The following BAZ2B variants were observed in gnomAD, a reference collection of about 807,000 sequenced individuals.
BAZ2B encodes bromodomain adjacent to zinc finger domain protein 2B.
A neutral mutation model predicts 246.0 loss-of-function variants in BAZ2B; 91 were observed. The observed-to-expected ratio is 0.37, with a 90% CI of 0.31 to 0.44. BAZ2B has a LOEUF of 0.44. Among genes scored for constraint, BAZ2B ranks in the 20% least tolerant of loss-of-function variants. The pLI, the probability that BAZ2B is intolerant of heterozygous loss-of-function variation, is 1.00. For missense variants in BAZ2B, 2,332 were observed against 2,533.7 expected, an observed-to-expected ratio of 0.92 and a Z score of 1.71; for synonymous variants, 855 against 860.0, an observed-to-expected ratio of 0.99 and a Z score of 0.10.
At position 159,427,946 on chromosome 2, in the gene BAZ2B, G is replaced by T; in HGVS notation, c.2461C>A (p.Pro821Thr). The T allele has an allele frequency of 6.2e-7, 1 of 1,612,746 alleles. No homozygotes were observed. The highest frequency in any genetic ancestry group is 8.5e-7 in the Non-Finnish European group (1 of 1,178,984). The stretch of plus-strand genomic sequence containing the variant: ...ACTTTTTAAAAAGTGGATACCTGCG[G>T]TCCATCTCTGGCTTCATAGAAGTCA... ...VGDFYEARDG[P>T]QGMQWCLLKE... is the part of the protein sequence containing the mutation. Residue 821 changes from proline to threonine, a missense_variant, in exon 13 of 37, where the codon CCG becomes ACG. Around this residue, in one of 9 missense-constraint regions of BAZ2B, gnomAD observed 651 missense variants for 650.9 expected, o/e 1.00. Transcript: ENST00000392783.
At chr2:159,660,014 G>C in the BAZ2B span, among the ~76,000 whole-genome samples, 2 of 152,088 alleles carry the variant, frequency 1.3e-5, no homozygotes, top group Non-Finnish European at 2.9e-5. Flanking sequence ...GTGGAATTAA[G>C]CACATTCATA....
chr2:159,419,165 C>T lies in BAZ2B; in HGVS notation c.2467-6620G>A, dbSNP rs563432663. Among the ~76,000 whole-genome samples the T allele has an allele frequency of 2.0e-5, 3 of 152,180 alleles. No homozygotes were observed. In the East Asian group the frequency reaches 5.8e-4, roughly 29 times the overall value. On this transcript the variant is annotated intron_variant, in intron 13 of 36. Transcript: ENST00000392783. ...TTTATATGAAACTTTTAGAATGTCA[C>T]ACCTAAAAGCAAATTGATCTTAAAG... is the stretch of plus-strand genomic sequence containing the variant.
At chr2:159,387,105 T>C (rs1173033359) in intron 21 of BAZ2B, among the ~76,000 whole-genome samples, 1 of 152,162 alleles carries the variant, frequency 6.6e-6, no homozygotes, top group African/African-American at 2.4e-5. Flanking sequence ...CTGTGGGCTC[T>C]ATGGTTGGAG....
chr2:159,348,811 T>C lies in BAZ2B; in HGVS notation c.5160A>G (p.Arg1720=), dbSNP rs771135911. The change falls in exon 30 of 37, where the codon AGA becomes AGG. Residue 1720 remains arginine (R), a synonymous_variant. Transcript: ENST00000392783. ...IPEEMQFGWW[R]IIDPEDLKAL... ...CTTTTAGGTCCTCTGGGTCAATAAT[T>C]CTCCACCAACCAAACTGCATTTCTA... 1.9e-6 allele frequency: 3 copies of C among 1,603,052 alleles called. No homozygotes were observed. Among genetic ancestry groups the C allele is most frequent in the Non-Finnish European group, 2.5e-6 (3 of 1,177,440 alleles).
intron 2 of BAZ2B, among the ~76,000 whole-genome samples, chr2:159,529,855 A>G (rs912927122): frequency 2.6e-5 from 4 of 152,200 alleles, no homozygotes; most frequent in African/African-American, 9.6e-5. Context: ...ATTAAAGTAG[A>G]TAATAGGTAA....
intron 27 of BAZ2B, among the ~76,000 whole-genome samples, chr2:159,367,259 G>A (rs1274866274): frequency 6.6e-6 from 1 of 152,108 alleles, no homozygotes; most frequent in African/African-American, 2.4e-5. Flanking sequence ...GTCTCTAACT[G>A]GACAAGGCAC....
chr2:159,549,606 A>G (rs140765701), intron 2 of BAZ2B, among the ~76,000 whole-genome samples: 26 of 152,248 alleles, frequency 1.7e-4, no homozygotes, highest in African/African-American at 6.0e-4. Context: ...TGAGCTAAAA[A>G]ACAAAAATCA....
the BAZ2B span, among the ~76,000 whole-genome samples, chr2:159,680,552 G>C: frequency 6.6e-6 from 1 of 152,142 alleles, no homozygotes; most frequent in Non-Finnish European, 1.5e-5. Flanking sequence ...GAATGGGGCT[G>C]TTACCCCGGG....
chr2:159,682,565 A>T, the BAZ2B span, among the ~76,000 whole-genome samples: 1 of 152,146 alleles, frequency 6.6e-6, no homozygotes, highest in Non-Finnish European at 1.5e-5. Context: ...TGGAGTGCAG[A>T]ATGGAGAATG....
intron 31 of BAZ2B, among the ~76,000 whole-genome samples, chr2:159,346,534 A>C (rs2067845548): frequency 6.6e-6 from 1 of 152,048 alleles, no homozygotes; most frequent in Non-Finnish European, 1.5e-5. Flanking sequence ...GCAAAACCCC[A>C]TCTCTACTAA....
chr2:159,348,947 T>C, intron 29 of BAZ2B, 60 bp downstream of exon 29: 1 of 1,580,754 alleles, frequency 6.3e-7, no homozygotes, highest in Non-Finnish European at 8.6e-7. Context: ...TCAGTTATAA[T>C]ACAGGAATCC....
chr2:159,418,962 G>T (rs1052839445), intron 13 of BAZ2B, among the ~76,000 whole-genome samples: 6 of 152,140 alleles, frequency 3.9e-5, no homozygotes, highest in African/African-American at 1.4e-4. Context: ...TCTGGATTAA[G>T]GCAATTGGTC....
Position 159,478,672 on chromosome 2 carries a change from T to C in BAZ2B, c.48A>G (p.Thr16=). 1 of 1,609,366 alleles carries C rather than the reference T, an allele frequency of 6.2e-7. No homozygotes were observed. The highest frequency in any genetic ancestry group is 2.2e-5 in the East Asian group (1 of 44,466). ...RLPSSAASST[T]PTSSSTPSVA... ...CAGAAGGTGTCGAAGATGAAGTTGG[T>C]GTAGTAGAGGAGGCTGCTGAGGATG... The change falls in exon 3 of 37, where the codon ACA becomes ACG. Residue 16 remains threonine, a synonymous_variant. Coordinates refer to ENST00000392783, the MANE Select transcript of BAZ2B (RefSeq NM_013450.4).
intron 27 of BAZ2B, among the ~76,000 whole-genome samples, chr2:159,371,831 C>T (rs1032058878): frequency 1.3e-5 from 2 of 152,176 alleles, no homozygotes; most frequent in African/African-American, 4.8e-5. Flanking sequence ...TCCCTCTAGG[C>T]ACTTCACTTT....
intron 1 of BAZ2B, among the ~76,000 whole-genome samples, chr2:159,612,382 TA>T (rs890187267): frequency 6.6e-6 from 1 of 152,090 alleles, no homozygotes; most frequent in African/African-American, 2.4e-5. Flanking sequence ...GTAACTTAAT[TA>T]ATCCCCCAGG....
At chr2:159,590,187 C>CAAAAAAAAAAAAAAAAAAA (rs552786270) in intron 1 of BAZ2B, among the ~76,000 whole-genome samples, 1 of 20,310 alleles carries the variant, frequency 4.9e-5, no homozygotes, top group African/African-American at 2.5e-4. Context: ...GACTCCATCT[C>CAAAAAAAAAAAAAAAAAAA]AAAAAAAAAA....
At chr2:159,374,076 CTTT>C (rs68072307) in intron 26 of BAZ2B, among the ~76,000 whole-genome samples, 27 of 125,168 alleles carry the variant, frequency 2.2e-4, no homozygotes, top group Non-Finnish European at 3.1e-4. Context: ...GTTTTTTTTT[CTTT>C]TTTTTTTTTT....
intron 2 of BAZ2B, among the ~76,000 whole-genome samples, chr2:159,491,720 C>CAAAAAAAAAAAAAAAAAAAA (rs773067675): frequency 3.7e-4 from 11 of 29,554 alleles, no homozygotes; most frequent in Admixed American, 4.4e-4. Flanking sequence ...GACTCCGTCT[C>CAAAAAAAAAAAAAAAAAAAA]AAAAAAAAAA....
chr2:159,558,731 G>A (rs956780900), intron 1 of BAZ2B, among the ~76,000 whole-genome samples: 4 of 152,086 alleles, frequency 2.6e-5, no homozygotes, highest in Non-Finnish European at 4.4e-5. Context: ...TAAGAGAAGT[G>A]GAATTGCAGG....
Sources: allele counts gnomAD v4.1 joint callset (sites outside exome capture counted in the v4.1 genomes callset), GRCh38; gene constraint gnomAD v4.1.1; regional missense constraint gnomAD v4.1.1; transcripts MANE v1.5; gene names NCBI Gene and HGNC (gene_info 2026-07-23, HGNC 2026-07-21).